Variants in KDSR observed in about 807,000 individuals in gnomAD.
KDSR encodes the protein 3-ketodihydrosphingosine reductase.
Under a neutral mutation model 41.3 loss-of-function variants are expected in KDSR, and 23 were observed. That is an observed-to-expected ratio of 0.56 (90% CI 0.40 to 0.79). The LOEUF is 0.79. Ranked by LOEUF, KDSR falls within the 30% of genes least tolerant of loss-of-function variation. KDSR has a pLI of 0.00. For missense variants in KDSR, 351 were observed against 416.8 expected, an observed-to-expected ratio of 0.84 and a Z score of 1.37; for synonymous variants, 138 against 151.7, an observed-to-expected ratio of 0.91 and a Z score of 0.66.
rs1913928504 is a variant in KDSR at position 63,329,986 on chromosome 18, T to C, written c.*1796A>G. 1 of 188,810 alleles carries C rather than the reference T, an allele frequency of 5.3e-6. No individual in the cohort carries two copies. The allele number at this position is 188,810 out of a possible 1,614,324, so 11.7% of individuals were successfully genotyped here. A position where few individuals can be genotyped will look rare whatever the true frequency, so the allele number is the denominator to read the frequency against. On this transcript the variant is annotated 3_prime_UTR_variant, in exon 10 of 10. Transcript: ENST00000645214. ...ATGAAACCATTCTGGCATCAACCCATCCTTACAAGCTGCAATGAAATCATT... is the reference window on the plus strand; with the variant it reads ...ATGAAACCATTCTGGCATCAACCCACCCTTACAAGCTGCAATGAAATCATT...
intron 2 of KDSR, among the ~76,000 whole-genome samples, chr18:63,361,607 G>A (rs1156984646): frequency 6.6e-6 from 1 of 152,070 alleles, no homozygotes; most frequent in Non-Finnish European, 1.5e-5. Flanking sequence ...ACAAGGTCAG[G>A]AGTTCCAGAC....
intron 9 of KDSR, 74 bp downstream of exon 9, chr18:63,335,183 C>T: frequency 1.1e-6 from 1 of 934,464 alleles, no homozygotes. Flanking sequence ...AACCTCTTCT[C>T]ATCAAGGTTT....
intron 9 of KDSR, among the ~76,000 whole-genome samples, chr18:63,333,528 G>T (rs184483149): frequency 3.2e-4 from 48 of 152,192 alleles, no homozygotes; most frequent in African/African-American, 1.2e-3. Context: ...CTGAGCAGGG[G>T]GTTGCAGACC....
chr18:63,342,206 G>A (rs7228054), intron 7 of KDSR, among the ~76,000 whole-genome samples: 14,758 of 150,658 alleles, frequency 0.098, 853 homozygotes, highest in East Asian at 0.28. Context: ...AAAAATAAAG[G>A]CATTTTCAGA....
intron 2 of KDSR, 102 bp from the exon 3 acceptor site, chr18:63,359,894 A>C (rs986669274): frequency 1.0e-5 from 8 of 784,598 alleles, no homozygotes; most frequent in African/African-American, 1.7e-5. Context: ...TGTATGTATT[A>C]AATTCCAGAA....
chr18:63,361,754 G>T (rs1914995915), intron 2 of KDSR, among the ~76,000 whole-genome samples: 1 of 152,202 alleles, frequency 6.6e-6, no homozygotes, highest in Admixed American at 6.5e-5. Flanking sequence ...GGCAGAGGTT[G>T]CAGTGAGCCG....
chr18:63,352,695 A>T (rs989038425), intron 5 of KDSR, among the ~76,000 whole-genome samples: 1 of 152,218 alleles, frequency 6.6e-6, no homozygotes, highest in African/African-American at 2.4e-5. Flanking sequence ...TTTAAAAAGC[A>T]GAAGCTAGAC....
chr18:63,349,274 T>G (rs1568279885), intron 6 of KDSR, among the ~76,000 whole-genome samples: 1 of 152,082 alleles, frequency 6.6e-6, no homozygotes, highest in Non-Finnish European at 1.5e-5. Flanking sequence ...TCTTAGCTAC[T>G]TGGGAGGCTG....
intron 8 of KDSR, among the ~76,000 whole-genome samples, chr18:63,337,879 G>T (rs1356556492): frequency 6.6e-6 from 1 of 152,188 alleles, no homozygotes; most frequent in African/African-American, 2.4e-5. Context: ...AGTGAGCCAA[G>T]ATCGTGCCAC....
intron 6 of KDSR, 140 bp from the exon 7 acceptor site, chr18:63,344,633 A>C (rs1914443712): frequency 1.8e-6 from 1 of 571,254 alleles, no homozygotes; most frequent in Admixed American, 2.9e-5. Flanking sequence ...AACTACACCA[A>C]TTGCATTGAG....
intron 7 of KDSR, among the ~76,000 whole-genome samples, chr18:63,339,122 G>A (rs1378443558): frequency 6.6e-6 from 1 of 152,178 alleles, no homozygotes; most frequent in Non-Finnish European, 1.5e-5. Context: ...TAGAACATAC[G>A]GAGTCTTGGC....
intron 7 of KDSR, among the ~76,000 whole-genome samples, chr18:63,339,388 T>A (rs540684947): frequency 3.9e-4 from 59 of 152,280 alleles, no homozygotes; most frequent in Middle Eastern, 3.4e-3. Flanking sequence ...CAGCCCCCAT[T>A]CAACAACTGC....
chr18:63,344,365 G>T, intron 7 of KDSR, 45 bp downstream of exon 7: 4 of 1,287,382 alleles, frequency 3.1e-6, no homozygotes, highest in South Asian at 1.2e-5. Context: ...AATCAGAAAA[G>T]CAGTAAACAT....
Position 63,331,750 on chromosome 18 carries a change from T to G in KDSR, c.*32A>C, listed in dbSNP as rs1914007165. The G allele has an allele frequency of 6.2e-7, 1 of 1,604,370 alleles. No homozygotes were observed. The highest frequency in any genetic ancestry group is 1.7e-5 in the Admixed American group (1 of 58,456). On this transcript the variant is annotated 3_prime_UTR_variant, in exon 10 of 10. Coordinates refer to ENST00000645214, the MANE Select transcript of KDSR (RefSeq NM_002035.4). ...TTAGCAGCAAGCTGTTCAAATTATTTGGAAACAGTCTTCTTCCAAGGGGTA... is the reference window on the plus strand; with the variant it reads ...TTAGCAGCAAGCTGTTCAAATTATTGGGAAACAGTCTTCTTCCAAGGGGTA...
rs1288518802 is a variant in KDSR at position 63,329,144 on chromosome 18, TA to T, written c.*2637del. ...ATAAAAAATAGAATTTGCCTTGTAA[TA>T]TTTTCATGTTTTGGATGAAGTCAGC... On this transcript the variant is annotated 3_prime_UTR_variant, in exon 10 of 10. Transcript: ENST00000645214. 1 of 202,406 alleles carries T rather than the reference TA, an allele frequency of 4.9e-6. No homozygotes were observed. The highest frequency in any genetic ancestry group is 2.3e-5 in the African/African-American group (1 of 43,632). The allele number at this position is 202,406 out of a possible 1,614,324, so 12.5% of individuals were successfully genotyped here. A position where few individuals can be genotyped will look rare whatever the true frequency, so the allele number is the denominator to read the frequency against.
intron 1 of KDSR, 73 bp downstream of exon 1, chr18:63,366,938 G>A: frequency 1.3e-6 from 1 of 764,262 alleles, no homozygotes; most frequent in East Asian, 3.1e-5. Flanking sequence ...AAGGGACGTA[G>A]GCTACGCGGC....
chr18:63,347,120 C>T (rs746838471), intron 6 of KDSR, among the ~76,000 whole-genome samples: 1 of 152,030 alleles, frequency 6.6e-6, no homozygotes, highest in African/African-American at 2.4e-5. Context: ...TCTGTGCCCC[C>T]GACTCTGCCC....
intron 8 of KDSR, among the ~76,000 whole-genome samples, chr18:63,338,358 A>G (rs981041553): frequency 6.6e-6 from 1 of 152,250 alleles, no homozygotes; most frequent in African/African-American, 2.4e-5. Flanking sequence ...TTCTGAATTA[A>G]AAAACATATC....
At chr18:63,338,519 G>C (rs1314184250) in intron 8 of KDSR, among the ~76,000 whole-genome samples, 1 of 152,182 alleles carries the variant, frequency 6.6e-6, no homozygotes, top group African/African-American at 2.4e-5. Context: ...TCATAGGAAA[G>C]TCTCATTTTC....
Sources: allele counts gnomAD v4.1 joint callset (sites outside exome capture counted in the v4.1 genomes callset), GRCh38; gene constraint gnomAD v4.1.1; transcripts MANE v1.5; gene names NCBI Gene and HGNC (gene_info 2026-07-23, HGNC 2026-07-21).